The following ITPR1 variants were observed in gnomAD, a reference collection of about 807,000 sequenced individuals.
The protein encoded by ITPR1 is inositol 1,4,5-trisphosphate receptor type 1, also known as inositol 1,4,5-trisphosphate-gated calcium channel ITPR1.
ITPR1 carries 96 observed loss-of-function variants against 318.4 expected under a neutral mutation model. The observed-to-expected ratio is 0.30, with a 90% CI of 0.26 to 0.36. ITPR1 has a LOEUF of 0.36. ITPR1 is among the 10% of genes least tolerant of loss of function. The pLI is 1.00. For missense variants in ITPR1, 2,440 were observed against 3,460.2 expected (o/e 0.71, Z 7.40); for synonymous variants, 1,312 against 1,289.9 (o/e 1.02, Z -0.37).
At chr3:4,817,443 G>A (rs2322833) in intron 59 of ITPR1, 51,753 of 152,106 alleles carry the variant, frequency 0.34, 9,225 homozygotes, top group East Asian at 0.45. Context: ...CTTTAATTCC[G>A]TTTCAGCATT....
At position 4,811,420 on chromosome 3, in the gene ITPR1, C is replaced by T. The variant is rs758670524; in HGVS notation, c.7428C>T (p.Ile2476=). 2.2e-5 allele frequency: 36 copies of T among 1,613,838 alleles called. No homozygotes were observed. Among genetic ancestry groups the T allele is most frequent in the Non-Finnish European group, 3.1e-5 (36 of 1,179,872 alleles). The change falls in exon 56 of 62, where the codon ATC becomes ATT. Residue 2476 remains isoleucine (I), a synonymous_variant. Coordinates refer to ENST00000649015, the MANE Select transcript of ITPR1 (RefSeq NM_001378452.1). ...ATCTTTTCTTCAAGGATGACTTTATCTTGGAAGTAGATAGGCTGCCCAATG... is the reference window on the plus strand; with the variant it reads ...ATCTTTTCTTCAAGGATGACTTTATTTTGGAAGTAGATAGGCTGCCCAATG... ...VGYLFFKDDF[I]LEVDRLPNET... is the part of the protein sequence containing the mutation.
At chr3:4,837,026 T>A in intron 61 of ITPR1, 91 bp downstream of exon 61, 2 of 1,170,704 alleles carry the variant, frequency 1.7e-6, no homozygotes, top group Non-Finnish European at 2.3e-6. Context: ...GGAAAATCAG[T>A]AGTGCTTCAT....
chr3:4,752,308 C>T (rs139277643), intron 44 of ITPR1, among the ~76,000 whole-genome samples: 27 of 152,220 alleles, frequency 1.8e-4, no homozygotes, highest in South Asian at 8.3e-4. Context: ...GGTTTGGAGA[C>T]GGAAGGTGCA....
rs1381350717 is a variant in ITPR1, at chr3:4,599,623, A to G, written c.164-28140A>G. 2.0e-5 allele frequency among the ~76,000 whole-genome samples: 3 copies of G among 152,160 alleles called. No homozygotes were observed. The East Asian group carries it at 5.8e-4, about 29-fold the overall frequency. ...GGGTTTGTGATGCTGTACTTGATTG[A>G]TGAAAACTGGGAACAAGAGAAGCAG... On this transcript the variant is annotated intron_variant, in intron 4 of 61. Transcript: ENST00000649015.
chr3:4,625,702 G>A (rs564880461), intron 4 of ITPR1, among the ~76,000 whole-genome samples: 22 of 151,968 alleles, frequency 1.4e-4, no homozygotes, highest in Non-Finnish European at 2.8e-4. Flanking sequence ...GACTACAGGC[G>A]CCCGCCACCA....
In ITPR1 at chr3:4,493,355, C is replaced by G. The variant is rs970026051; in HGVS notation, c.-343C>G. On this transcript the variant is annotated 5_prime_UTR_variant, in exon 1 of 62. Transcript: ENST00000649015. Reference sequence around the variant, plus strand: ...CCGGAGCCGCTTTAAAGTGCAGTAACCATGTGGATGTGCTGCTGAAGCGTT... The same window carrying G: ...CCGGAGCCGCTTTAAAGTGCAGTAAGCATGTGGATGTGCTGCTGAAGCGTT... 6.5e-6 allele frequency: 1 copy of G among 154,070 alleles called. No individual in the cohort carries two copies. The highest frequency in any genetic ancestry group is 6.5e-5 in the Admixed American group (1 of 15,290). 9.5% of individuals were successfully genotyped at this position (154,070 alleles called of 1,614,324 possible). A position where few individuals can be genotyped will look rare whatever the true frequency, so the allele number is the denominator to read the frequency against.
chr3:4,763,943 T>G (rs943482875), intron 44 of ITPR1, among the ~76,000 whole-genome samples: 4 of 152,264 alleles, frequency 2.6e-5, no homozygotes, highest in Non-Finnish European at 5.9e-5. Context: ...TTTTGTTTCC[T>G]TGAATGACCA....
intron 60 of ITPR1, among the ~76,000 whole-genome samples, chr3:4,833,573 CCTCT>C (rs1235807222): frequency 6.6e-6 from 1 of 152,204 alleles, no homozygotes; most frequent in African/African-American, 2.4e-5. Context: ...GAATGTCCAT[CCTCT>C]CTCCTCTCCC....
chr3:4,547,605 C>T (rs999414995), intron 4 of ITPR1, among the ~76,000 whole-genome samples: 12 of 152,176 alleles, frequency 7.9e-5, no homozygotes, highest in Admixed American at 7.2e-4. Context: ...ATTTATTACA[C>T]GCTAATACCT....
chr3:4,593,124 T>TA (rs1490090486), intron 4 of ITPR1, among the ~76,000 whole-genome samples: 10 of 152,358 alleles, frequency 6.6e-5, no homozygotes, highest in African/African-American at 2.4e-4. Flanking sequence ...ACATTTTCAC[T>TA]AACTCATTGA....
intron 60 of ITPR1, among the ~76,000 whole-genome samples, chr3:4,827,629 T>C (rs1189825686): frequency 2.0e-5 from 3 of 152,296 alleles, no homozygotes; most frequent in Non-Finnish European, 4.4e-5. Context: ...ACCTATAAAA[T>C]GAGGAAGTTG....
intron 10 of ITPR1, among the ~76,000 whole-genome samples, chr3:4,649,052 T>C (rs749090220): frequency 1.3e-4 from 20 of 152,140 alleles, no homozygotes; most frequent in Non-Finnish European, 2.6e-4. Flanking sequence ...GAACAGTCTC[T>C]CAGAACCACT....
intron 60 of ITPR1, among the ~76,000 whole-genome samples, chr3:4,818,721 G>A (rs1230257116): frequency 2.0e-5 from 3 of 152,048 alleles, no homozygotes; most frequent in Admixed American, 6.5e-5. Context: ...TCTACTAATC[G>A]TTAAGAAGTG....
intron 41 of ITPR1, among the ~76,000 whole-genome samples, chr3:4,726,831 A>G (rs888415632): frequency 2.0e-5 from 3 of 152,222 alleles, no homozygotes; most frequent in African/African-American, 7.2e-5. Context: ...GTCACAGCAT[A>G]TAATATAGAA....
rs558112938 is a variant in ITPR1 at position 4,533,987 on chromosome 3, C to G, written c.163+12893C>G. Among the ~76,000 whole-genome samples the G allele has an allele frequency of 2.0e-5, 3 of 152,300 alleles. No individual in the cohort carries two copies. The South Asian group carries it at 6.2e-4, about 32-fold the overall frequency. On this transcript the variant is annotated intron_variant, in intron 4 of 61. Transcript: ENST00000649015. ...CAATCTGCTCTTTCCCAAAAGCTGC[C>G]CTTCCCTGCCCCCAACGTGCTCCTT...
intron 60 of ITPR1, among the ~76,000 whole-genome samples, chr3:4,828,930 C>A (rs532198802): frequency 6.6e-6 from 1 of 152,234 alleles, no homozygotes; most frequent in African/African-American, 2.4e-5. Flanking sequence ...AAATCAGTAT[C>A]CCTAAAATTT....
At chr3:4,723,866 C>T (rs2042329951) in intron 40 of ITPR1, among the ~76,000 whole-genome samples, 1 of 152,078 alleles carries the variant, frequency 6.6e-6, no homozygotes, top group South Asian at 2.1e-4. Flanking sequence ...TCTCTGTCTG[C>T]TCTAAAATGC....
At position 4,679,096 on chromosome 3, in the gene ITPR1, A is replaced by G. The variant is rs143810934; in HGVS notation, c.2968-1457A>G. ...AGAAACGGCAGTAGGGGAGAACTCT[A>G]TGAGAAGCGGTAAATGGAGAACCAC... On this transcript the variant is annotated intron_variant, in intron 24 of 61. Transcript: ENST00000649015. Among the ~76,000 whole-genome samples the G allele has an allele frequency of 5.3e-5, 8 of 152,260 alleles. No individual in the cohort carries two copies. The East Asian group carries it at 1.5e-3, about 29-fold the overall frequency.
chr3:4,839,975 G>A (rs368306645), intron 61 of ITPR1, among the ~76,000 whole-genome samples: 1 of 142,376 alleles, frequency 7.0e-6, no homozygotes. Context: ...TACCAGGATT[G>A]ATCTACTTAA....
Sources: gnomAD v4.1 joint callset for allele counts (sites outside exome capture counted in the v4.1 genomes callset) on GRCh38, gnomAD v4.1.1 for gene constraint, MANE v1.5 for transcripts, NCBI Gene and HGNC (gene_info 2026-07-23, HGNC 2026-07-21) for gene names.